GLIS1: variants seen among roughly 807,000 people sequenced by gnomAD.
GLIS1 encodes the protein GLIS family zinc finger 1, also known as zinc finger protein GLIS1.
GLIS1 carries 24 observed loss-of-function variants against 63.8 expected under a neutral mutation model. The observed-to-expected ratio is 0.38, with a 90% CI of 0.27 to 0.53. GLIS1 has a LOEUF of 0.53. GLIS1 is among the 20% of genes least tolerant of loss of function. The pLI, the probability that GLIS1 is intolerant of heterozygous loss-of-function variation, is 0.85. For missense variants in GLIS1, 1,036 were observed against 1,074.1 expected, an observed-to-expected ratio of 0.96 and a Z score of 0.50; for synonymous variants, 450 against 482.5, an observed-to-expected ratio of 0.93 and a Z score of 0.88.
intron 4 of GLIS1, among the ~76,000 whole-genome samples, chr1:53,547,622 G>A (rs1644717524): frequency 2.0e-5 from 3 of 152,214 alleles, no homozygotes; most frequent in Admixed American, 1.3e-4. Context: ...GGCCCCCACA[G>A]GCCTACTCAA....
chr1:53,633,108 G>GTGTA (rs1645683284), intron 2 of GLIS1, among the ~76,000 whole-genome samples: 2 of 140,310 alleles, frequency 1.4e-5, no homozygotes, highest in South Asian at 2.5e-4. Flanking sequence ...TGAGGGGTGT[G>GTGTA]TGAGTGTGAC....
chr1:53,646,626 A>G lies in GLIS1; in HGVS notation c.260-46348T>C, dbSNP rs1645847012. 1.3e-5 allele frequency among the ~76,000 whole-genome samples: 2 copies of G among 152,236 alleles called. No homozygotes were observed. Among genetic ancestry groups the G allele is most frequent in the African/African-American group, 4.8e-5 (2 of 41,544 alleles). Reference sequence around the variant, plus strand: ...GGAGTTTGAGACCAGCCTGGCCAACATGGTAAAACCCCGTCTTGACTAAAA... The same window carrying G: ...GGAGTTTGAGACCAGCCTGGCCAACGTGGTAAAACCCCGTCTTGACTAAAA... On this transcript the variant is annotated intron_variant, in intron 2 of 10. Transcript: ENST00000628545. The surrounding 1 kb of genome is among the most constrained non-coding windows in gnomAD (Gnocchi z 4.2).
intron 2 of GLIS1, among the ~76,000 whole-genome samples, chr1:53,627,058 C>G (rs1645602092): frequency 6.6e-6 from 1 of 152,354 alleles, no homozygotes; most frequent in East Asian, 1.9e-4. Context: ...CAGTTTCTGC[C>G]TAGGCCCTCG....
chr1:53,515,989 G>C (rs1644348839), intron 7 of GLIS1, among the ~76,000 whole-genome samples: 1 of 152,010 alleles, frequency 6.6e-6, no homozygotes, highest in Non-Finnish European at 1.5e-5. Flanking sequence ...TGTTTATTTT[G>C]ATAGCAATTG....
intron 2 of GLIS1, among the ~76,000 whole-genome samples, chr1:53,688,140 AC>A (rs907932628): frequency 6.6e-6 from 1 of 151,748 alleles, no homozygotes; most frequent in Non-Finnish European, 1.5e-5. Flanking sequence ...GCGTGCTGAC[AC>A]CCGCTCTCGG....
At chr1:53,737,749 C>G (rs1011025582) in intron 2 of GLIS1, 57 bp downstream of exon 2, 56 of 1,229,500 alleles carry the variant, frequency 4.6e-5, no homozygotes, top group Non-Finnish European at 5.6e-5. Context: ...GGTGGCGACG[C>G]CGGGCAGCCC....
chr1:53,720,651 T>G (rs1646744785), intron 2 of GLIS1, among the ~76,000 whole-genome samples: 1 of 152,078 alleles, frequency 6.6e-6, no homozygotes, highest in African/African-American at 2.4e-5. Context: ...GTTTCCAACA[T>G]AAAAGGGGGT....
At chr1:53,640,649 C>T (rs1645777254) in intron 2 of GLIS1, among the ~76,000 whole-genome samples, 4 of 152,210 alleles carry the variant, frequency 2.6e-5, no homozygotes, top group Admixed American at 2.6e-4. Context: ...CCACTCCTCC[C>T]CAGAGCCCTG....
intron 4 of GLIS1, among the ~76,000 whole-genome samples, chr1:53,571,047 A>C (rs1030618618): frequency 6.6e-6 from 1 of 152,238 alleles, no homozygotes; most frequent in Non-Finnish European, 1.5e-5. Context: ...AAATATCAAG[A>C]ATTCCTATAA....
chr1:53,551,207 G>A (rs993103105), intron 4 of GLIS1, among the ~76,000 whole-genome samples: 1 of 152,238 alleles, frequency 6.6e-6, no homozygotes, highest in African/African-American at 2.4e-5. Flanking sequence ...ATTGTGCTAA[G>A]AGAGGAGCCA....
intron 6 of GLIS1, among the ~76,000 whole-genome samples, chr1:53,523,303 G>A (rs1227014600): frequency 6.6e-6 from 1 of 152,078 alleles, no homozygotes; most frequent in Non-Finnish European, 1.5e-5. Context: ...ACTGCCTGCA[G>A]GCTGGAGACC....
At chr1:53,709,417 C>T (rs61774780) in intron 2 of GLIS1, among the ~76,000 whole-genome samples, 5,414 of 121,712 alleles carry the variant, frequency 0.044, 220 homozygotes, top group South Asian at 0.074. Flanking sequence ...TATATACACA[C>T]ACACACACAC....
At chr1:53,570,545 C>T (rs1644975085) in intron 4 of GLIS1, among the ~76,000 whole-genome samples, 1 of 152,134 alleles carries the variant, frequency 6.6e-6, no homozygotes, top group Non-Finnish European at 1.5e-5. Context: ...CTACTAGATA[C>T]TAGCAAAAAC....
intron 4 of GLIS1, among the ~76,000 whole-genome samples, chr1:53,564,953 A>G (rs2100449091): frequency 6.6e-6 from 1 of 152,178 alleles, no homozygotes; most frequent in South Asian, 2.1e-4. Context: ...TTTTTGATCT[A>G]CTGAACAAAA....
chr1:53,576,658 C>T (rs1645034695), intron 4 of GLIS1, among the ~76,000 whole-genome samples: 1 of 152,200 alleles, frequency 6.6e-6, no homozygotes, highest in African/African-American at 2.4e-5. Context: ...TGGATCAGCT[C>T]CGCCTTCCTG....
intron 4 of GLIS1, among the ~76,000 whole-genome samples, chr1:53,569,228 G>A (rs1490871662): frequency 6.6e-6 from 1 of 152,190 alleles, no homozygotes; most frequent in Non-Finnish European, 1.5e-5. Context: ...GTAGATACAT[G>A]TCATTATACC....
At chr1:53,644,615 A>G (rs1645822614) in intron 2 of GLIS1, among the ~76,000 whole-genome samples, 1 of 152,234 alleles carries the variant, frequency 6.6e-6, no homozygotes, top group African/African-American at 2.4e-5. Flanking sequence ...AGGGTGCTGA[A>G]GGTGGGCACC....
chr1:53,600,593 G>A (rs1012766055), intron 2 of GLIS1, among the ~76,000 whole-genome samples: 1 of 152,186 alleles, frequency 6.6e-6, no homozygotes, highest in Middle Eastern at 3.2e-3. Flanking sequence ...GTAAACAAGA[G>A]AAACTCCGAG....
At chr1:53,523,243 C>T (rs568280238) in intron 6 of GLIS1, among the ~76,000 whole-genome samples, 28 of 152,200 alleles carry the variant, frequency 1.8e-4, no homozygotes, top group Non-Finnish European at 2.5e-4. Flanking sequence ...AAGCTCATGG[C>T]GCAGGATTTG....
Sources: gnomAD v4.1 joint callset for allele counts (sites outside exome capture counted in the v4.1 genomes callset) on GRCh38, gnomAD v4.1.1 for gene constraint, Gnocchi (gnomAD v3.1) non-coding constraint, MANE v1.5 for transcripts, NCBI Gene and HGNC (gene_info 2026-07-23, HGNC 2026-07-21) for gene names.